The following PCDHGB5 variants were observed in gnomAD, a reference collection of about 807,000 sequenced individuals.
PCDHGB5 encodes protocadherin gamma subfamily B, 5.
A neutral mutation model predicts 62.9 loss-of-function variants in PCDHGB5; 48 were observed. That is an observed-to-expected ratio of 0.76 (90% CI 0.61 to 0.97). The LOEUF (loss-of-function observed/expected upper bound fraction) is 0.97, where lower values mean the gene tolerates loss of function less well. Ranked by LOEUF, PCDHGB5 falls within the 50% of genes least tolerant of loss-of-function variation. The pLI, the probability that PCDHGB5 is intolerant of heterozygous loss-of-function variation, is 0.00. For synonymous variants in PCDHGB5, 474 were observed against 511.2 expected, an observed-to-expected ratio of 0.93 and a Z score of 0.98; for missense variants, 1,118 against 1,198.6, an observed-to-expected ratio of 0.93 and a Z score of 0.99.
chr5:141,509,719 C>G (rs2099877973), intron 3 of PCDHGB5, among the ~76,000 whole-genome samples: 1 of 152,152 alleles, frequency 6.6e-6, no homozygotes, highest in Non-Finnish European at 1.5e-5. Flanking sequence ...TGTCTGATGT[C>G]ACCTAGCTGT....
Position 141,485,086 on chromosome 5 carries a change from A to T in PCDHGB5, c.2398-9721A>T. 1.0e-6 allele frequency: 1 copy of T among 999,576 alleles called. No individual in the cohort carries two copies. Among genetic ancestry groups the T allele is most frequent in the Non-Finnish European group, 1.5e-6 (1 of 651,740 alleles). 61.9% of individuals were successfully genotyped at this position (999,576 alleles called of 1,614,324 possible). A position where few individuals can be genotyped will look rare whatever the true frequency, so the allele number is the denominator to read the frequency against. On this transcript the variant is annotated intron_variant, in intron 1 of 3. Transcript: ENST00000617380. The surrounding 1 kb of genome is among the most constrained non-coding windows in gnomAD (Gnocchi z 5.7). The stretch of plus-strand genomic sequence containing the variant: ...CCAGAGCTGGCGCGGGGAAAGGGAG[A>T]TAGGTGTCTCCAGCTGCTGTGGCTG...
At chr5:141,510,589 A>G (rs1043188276) in intron 3 of PCDHGB5, among the ~76,000 whole-genome samples, 2 of 152,194 alleles carry the variant, frequency 1.3e-5, no homozygotes, top group African/African-American at 2.4e-5. Context: ...CGTACCTGAC[A>G]TACATTTTCT....
intron 1 of PCDHGB5, among the ~76,000 whole-genome samples, chr5:141,453,293 T>TTATG: frequency 6.6e-6 from 1 of 151,872 alleles, no homozygotes; most frequent in Non-Finnish European, 1.5e-5. Flanking sequence ...TTTTAATTAT[T>TTATG]TATTTATTTA....
intron 1 of PCDHGB5, among the ~76,000 whole-genome samples, chr5:141,462,639 C>T (rs2099043867): frequency 7.2e-6 from 1 of 138,292 alleles, no homozygotes. Flanking sequence ...TTGACTCTTT[C>T]ATTTCCATCC....
In PCDHGB5 at chr5:141,489,307, T is replaced by A; in HGVS notation, c.2398-5500T>A. On this transcript the variant is annotated intron_variant, in intron 1 of 3. Transcript: ENST00000617380. The surrounding 1 kb of genome is among the most constrained non-coding windows in gnomAD (Gnocchi z 4.5). ...AGTGCTGTGCATGTTGTCCTTGTGCTGCTGGGGCTGGGTGTCTGGGCAGCT... is the reference window on the plus strand; with the variant it reads ...AGTGCTGTGCATGTTGTCCTTGTGCAGCTGGGGCTGGGTGTCTGGGCAGCT... The A allele has an allele frequency of 6.3e-7, 1 of 1,591,138 alleles. No individual in the cohort carries two copies. The highest frequency in any genetic ancestry group is 8.6e-7 in the Non-Finnish European group (1 of 1,168,222).
intron 1 of PCDHGB5, among the ~76,000 whole-genome samples, chr5:141,470,036 C>T (rs573955901): frequency 5.3e-5 from 8 of 152,022 alleles, no homozygotes; most frequent in South Asian, 2.1e-4. Flanking sequence ...TGCTGAGGCG[C>T]GAGAACTGTT....
chr5:141,424,519 A>T (rs1216899186), intron 1 of PCDHGB5: 1 of 152,222 alleles, frequency 6.6e-6, no homozygotes, highest in African/African-American at 2.4e-5. Context: ...TTAATGTAGT[A>T]AATCCATATA....
At chr5:141,409,813 C>T in intron 1 of PCDHGB5, 2 of 1,611,170 alleles carry the variant, frequency 1.2e-6, no homozygotes, top group African/African-American at 1.3e-5. Flanking sequence ...CCCGCGACCA[C>T]GGCTCGCCCA....
Position 141,490,066 on chromosome 5 carries a change from C to G in PCDHGB5, c.2398-4741C>G. ...TGATCCAGACGAGGGCACCAACGGC[C>G]AACTAGACTATTCTTTTGGAGACCA... On this transcript the variant is annotated intron_variant, in intron 1 of 3. Coordinates refer to ENST00000617380, the MANE Select transcript of PCDHGB5 (RefSeq NM_018925.3). The surrounding 1 kb of genome is among the most constrained non-coding windows in gnomAD (Gnocchi z 5.4). The G allele has an allele frequency of 1.2e-6, 2 of 1,614,248 alleles. No individual in the cohort carries two copies. Among genetic ancestry groups the G allele is most frequent in the Non-Finnish European group, 1.7e-6 (2 of 1,180,034 alleles).
At chr5:141,445,188 GTATTCTA>G (rs1223900471) in intron 1 of PCDHGB5, among the ~76,000 whole-genome samples, 1 of 152,080 alleles carries the variant, frequency 6.6e-6, no homozygotes, top group Non-Finnish European at 1.5e-5. Context: ...ATGTTTTTAT[GTATTCTA>G]TATGCTTTTG....
rs767108870 is a variant in PCDHGB5 at position 141,485,169 on chromosome 5, C to T, written c.2398-9638C>T. On this transcript the variant is annotated intron_variant, in intron 1 of 3. Transcript: ENST00000617380. This position sits in a 1 kb window ranked among gnomAD's most constrained non-coding sequence, Gnocchi z 5.7. ...GAGCAAGTAGAGAATTAGCGGGCGG[C>T]AGCAATGCTCCGCAAGGTGAGAAGC... The T allele has an allele frequency of 6.2e-7, 1 of 1,608,524 alleles. No homozygotes were observed. Among genetic ancestry groups the T allele is most frequent in the South Asian group, 1.1e-5 (1 of 90,730 alleles).
intron 2 of PCDHGB5, among the ~76,000 whole-genome samples, chr5:141,505,092 G>A (rs965653546): frequency 5.9e-5 from 9 of 152,170 alleles, no homozygotes; most frequent in African/African-American, 2.2e-4. Flanking sequence ...AACCCAGGAG[G>A]TGGATGTTGC....
intron 1 of PCDHGB5, chr5:141,427,983 C>T (rs1390934748): frequency 1.3e-6 from 2 of 1,596,840 alleles, no homozygotes; most frequent in Admixed American, 1.7e-5. Flanking sequence ...CGCGCTGGGG[C>T]CCGATGGCTC....
intron 1 of PCDHGB5, chr5:141,409,843 C>G: frequency 6.2e-7 from 1 of 1,611,804 alleles, no homozygotes; most frequent in Non-Finnish European, 8.5e-7. Context: ...CCAACGTGAG[C>G]CTGCGCGTGT....
At chr5:141,484,392 T>G (rs1454201773) in intron 1 of PCDHGB5, among the ~76,000 whole-genome samples, 1 of 152,162 alleles carries the variant, frequency 6.6e-6, no homozygotes, top group African/African-American at 2.4e-5. Flanking sequence ...TAAGAAAGGT[T>G]TGGTTTCCGC....
rs2093681875 is a variant in PCDHGB5 at position 141,398,640 on chromosome 5, ACT to A, written c.520_521del (p.Leu174Ter). On this transcript the variant is annotated frameshift_variant, in exon 1 of 4. Transcript: ENST00000617380. LOFTEE classifies it high-confidence loss of function. ...GCTTAAACTCTCTGCAGAAGTATAA[ACT>A]CTCTCTTAACCCAAGTTTCTCATTA... The part of the protein sequence containing the change: ...IGLNSLQKYK[L>X]SLNPSFSLII... 1.9e-6 allele frequency: 3 copies of A among 1,613,828 alleles called. No individual in the cohort carries two copies. The highest frequency in any genetic ancestry group is 2.5e-6 in the Non-Finnish European group (3 of 1,179,844).
chr5:141,428,098 A>C (rs1387848300), intron 1 of PCDHGB5: 1 of 1,608,664 alleles, frequency 6.2e-7, no homozygotes, highest in South Asian at 1.1e-5. Context: ...CTGTCCTACC[A>C]CGTGCTGCAG....
intron 1 of PCDHGB5, chr5:141,412,746 C>T (rs2095574250): frequency 6.5e-6 from 1 of 154,106 alleles, no homozygotes; most frequent in Non-Finnish European, 1.4e-5. Context: ...ATATATTTAA[C>T]CAAACATTAT....
At chr5:141,478,603 A>C (rs116528962) in intron 1 of PCDHGB5, 173 of 1,563,096 alleles carry the variant, frequency 1.1e-4, no homozygotes, top group Non-Finnish European at 1.4e-4. Context: ...CCTACATCAT[A>C]TTGAGGAAGG....
Sources: gnomAD v4.1 joint callset for allele counts (sites outside exome capture counted in the v4.1 genomes callset) on GRCh38, gnomAD v4.1.1 for gene constraint, Gnocchi (gnomAD v3.1) non-coding constraint, MANE v1.5 for transcripts, NCBI Gene and HGNC (gene_info 2026-07-23, HGNC 2026-07-21) for gene names.